AHI1: variants seen among roughly 807,000 people sequenced by gnomAD.
AHI1 encodes the protein Abelson helper integration site 1, also known as jouberin.
A neutral mutation model predicts 149.3 loss-of-function variants in AHI1; 123 were observed. The ratio of observed to expected loss-of-function variants is 0.82; its 90% CI spans 0.71 to 0.96. The LOEUF (loss-of-function observed/expected upper bound fraction) is 0.96, where lower values mean the gene tolerates loss of function less well. Ranked by LOEUF, AHI1 falls within the 40% of genes least tolerant of loss-of-function variation. The pLI, the probability that AHI1 is intolerant of heterozygous loss-of-function variation, is 0.00. For synonymous variants in AHI1, 475 were observed against 459.8 expected (o/e 1.03, Z -0.42); for missense variants, 1,439 against 1,422.7 (o/e 1.01, Z -0.18).
chr6:135,343,494 G>A (rs969709987), intron 24 of AHI1, among the ~76,000 whole-genome samples: 1 of 151,808 alleles, frequency 6.6e-6, no homozygotes, highest in African/African-American at 2.4e-5. Context: ...AACTTCTACA[G>A]ATACAGTAAT....
intron 5 of AHI1, among the ~76,000 whole-genome samples, chr6:135,483,159 A>C (rs1346254990): frequency 6.6e-6 from 1 of 151,704 alleles, no homozygotes; most frequent in African/African-American, 2.4e-5. Context: ...TGGCCTCCCA[A>C]AGTGCTGGGA....
intron 26 of AHI1, chr6:135,301,386 A>T: frequency 1.0e-6 from 1 of 982,282 alleles, no homozygotes; most frequent in Non-Finnish European, 1.2e-6. Context: ...AACAAAATGA[A>T]ATGAAAGAAA....
rs1784489872 is a variant in AHI1, at chr6:135,430,434, C to G, written c.2374-434G>C. Among the ~76,000 whole-genome samples the G allele has an allele frequency of 2.0e-5, 3 of 151,796 alleles. No individual in the cohort carries two copies. In the South Asian group the frequency reaches 6.2e-4, roughly 31 times the overall value. The stretch of plus-strand genomic sequence containing the variant: ...GAATTTCTAACAACAGAATGAACTG[C>G]TTTTTCAACAGATCTGATAGACTCA... On this transcript the variant is annotated intron_variant, in intron 17 of 28. Transcript: ENST00000265602.
chr6:135,435,702 T>C (rs558144850), intron 15 of AHI1, among the ~76,000 whole-genome samples: 1 of 152,250 alleles, frequency 6.6e-6, no homozygotes, highest in Admixed American at 6.5e-5. Flanking sequence ...TTATGAAAGA[T>C]AGTTATGGAA....
intron 26 of AHI1, chr6:135,305,093 A>G (rs977473546): frequency 2.0e-5 from 3 of 152,184 alleles, no homozygotes; most frequent in African/African-American, 7.2e-5. Flanking sequence ...GGGAGAATGG[A>G]TACTGTTATC....
At chr6:135,314,500 T>A (rs1304243286) in intron 26 of AHI1, among the ~76,000 whole-genome samples, 2 of 152,252 alleles carry the variant, frequency 1.3e-5, no homozygotes, top group African/African-American at 4.8e-5. Flanking sequence ...TTAAATCTGC[T>A]GCTGAATTAC....
At chr6:135,302,247 T>C in intron 26 of AHI1, 2 of 985,496 alleles carry the variant, frequency 2.0e-6, no homozygotes, top group Non-Finnish European at 1.2e-6. Flanking sequence ...TGAAACTTGA[T>C]AAAACTTTTC....
At chr6:135,310,090 T>C (rs1333945500) in intron 26 of AHI1, among the ~76,000 whole-genome samples, 1 of 152,150 alleles carries the variant, frequency 6.6e-6, no homozygotes. Flanking sequence ...ATTAACTAAC[T>C]ACTGGCTATT....
At chr6:135,387,128 C>T (rs1244886180) in intron 23 of AHI1, among the ~76,000 whole-genome samples, 2 of 152,104 alleles carry the variant, frequency 1.3e-5, no homozygotes, top group African/African-American at 4.8e-5. Context: ...AGTGATCTTA[C>T]ACCTCAGCCT....
At chr6:135,300,034 T>G (rs7765971) in intron 27 of AHI1, among the ~76,000 whole-genome samples, 1 of 152,008 alleles carries the variant, frequency 6.6e-6, no homozygotes, top group Admixed American at 6.5e-5. Flanking sequence ...AAATATTCAT[T>G]GTTTAAACAG....
chr6:135,354,190 T>C (rs2128429583), intron 24 of AHI1, among the ~76,000 whole-genome samples: 1 of 152,214 alleles, frequency 6.6e-6, no homozygotes, highest in Admixed American at 6.5e-5. Context: ...GGTTACAGGG[T>C]CACTGAATAA....
chr6:135,475,717 G>C (rs1373363648), intron 5 of AHI1, among the ~76,000 whole-genome samples: 1 of 152,164 alleles, frequency 6.6e-6, no homozygotes. Flanking sequence ...CAACTCTACT[G>C]GGGGGTGTAC....
At position 135,331,093 on chromosome 6, in the gene AHI1, G is replaced by A. The variant is rs185064324; in HGVS notation, c.3166-7769C>T. On this transcript the variant is annotated intron_variant, in intron 24 of 28. Coordinates refer to ENST00000265602, the MANE Select transcript of AHI1 (RefSeq NM_001134831.2). ...TCTTTCTTGACCATTCTTTTGATGA[G>A]TGTCTTTTATAACATACCATTTCTT... Among the ~76,000 whole-genome samples the A allele has an allele frequency of 5.9e-5, 9 of 152,298 alleles. No individual in the cohort carries two copies. The East Asian group carries it at 1.7e-3, about 29-fold the overall frequency.
chr6:135,364,162 C>T lies in AHI1; in HGVS notation c.3110-5975G>A, dbSNP rs1212472528. The stretch of plus-strand genomic sequence containing the variant: ...GGGTGGCTGCTGGGCGGAGGGGCTC[C>T]TCACTTCTCAGACAGGGCGGTTGCC... On this transcript the variant is annotated intron_variant, in intron 23 of 28. Coordinates refer to ENST00000265602, the MANE Select transcript of AHI1 (RefSeq NM_001134831.2). 6.6e-5 allele frequency among the ~76,000 whole-genome samples: 10 copies of T among 151,644 alleles called. No homozygotes were observed. The East Asian group carries it at 2.0e-3, about 30-fold the overall frequency.
intron 27 of AHI1, among the ~76,000 whole-genome samples, chr6:135,294,727 A>G (rs1299851622): frequency 1.3e-5 from 2 of 151,146 alleles, no homozygotes; most frequent in Admixed American, 6.6e-5. Context: ...AGAAAAAGAA[A>G]AAAAAGAAAA....
chr6:135,447,321 TAA>T (rs1787400267), intron 12 of AHI1, among the ~76,000 whole-genome samples, 161 bp from the exon 13 acceptor site: 1 of 151,988 alleles, frequency 6.6e-6, no homozygotes, highest in African/African-American at 2.4e-5. Context: ...CTAAATAAAA[TAA>T]AAAAGCTGCT....
At chr6:135,395,860 A>AT (rs3840170) in intron 22 of AHI1, among the ~76,000 whole-genome samples, 63,926 of 151,372 alleles carry the variant, frequency 0.42, 16,403 homozygotes, top group Middle Eastern at 0.61. Flanking sequence ...CCCCTTTCCC[A>AT]TTTTTTTGTT....
At chr6:135,297,521 T>C (rs753411482) in intron 27 of AHI1, 10 of 456,158 alleles carry the variant, frequency 2.2e-5, no homozygotes, top group Non-Finnish European at 4.0e-5. Flanking sequence ...TCACATCATT[T>C]TGCACCTAAT....
intron 26 of AHI1, 86 bp downstream of exon 26, chr6:135,318,433 A>G: frequency 1.1e-6 from 1 of 883,310 alleles, no homozygotes; most frequent in South Asian, 1.6e-5. Flanking sequence ...ATGAAGGATA[A>G]TAAGCATAAA....
Sources: allele counts gnomAD v4.1 joint callset (sites outside exome capture counted in the v4.1 genomes callset), GRCh38; gene constraint gnomAD v4.1.1; transcripts MANE v1.5; gene names NCBI Gene and HGNC (gene_info 2026-07-23, HGNC 2026-07-21).